The following EXPH5 variants were observed in gnomAD, a reference collection of about 807,000 sequenced individuals.
EXPH5 encodes the protein exophilin-5.
In EXPH5, 42 loss-of-function variants were observed where a neutral mutation model predicts 41.1. The ratio of observed to expected loss-of-function variants is 1.02; its 90% CI spans 0.80 to 1.32. The LOEUF (loss-of-function observed/expected upper bound fraction) is 1.32, where lower values mean the gene tolerates loss of function less well. EXPH5 is among the 40% of genes most tolerant of loss of function. The pLI, the probability that EXPH5 is intolerant of heterozygous loss-of-function variation, is 0.00. For synonymous variants in EXPH5, 798 were observed against 833.5 expected (o/e 0.96, Z 0.73); for missense variants, 2,298 against 2,314.5 (o/e 0.99, Z 0.15).
intron 1 of EXPH5, among the ~76,000 whole-genome samples, chr11:108,592,247 C>T (rs1230861639): frequency 6.6e-6 from 1 of 152,180 alleles, no homozygotes; most frequent in Non-Finnish European, 1.5e-5. Flanking sequence ...AATATTCCTT[C>T]ATCCCTCAAA....
intron 5 of EXPH5, among the ~76,000 whole-genome samples, chr11:108,517,497 G>A (rs2093734224): frequency 1.3e-5 from 2 of 152,188 alleles, no homozygotes; most frequent in Admixed American, 6.5e-5. Flanking sequence ...GAAGCTGGTG[G>A]CGACTTCAGA....
At chr11:108,529,862 A>G (rs1174444131) in intron 3 of EXPH5, among the ~76,000 whole-genome samples, 1 of 151,118 alleles carries the variant, frequency 6.6e-6, no homozygotes, top group Non-Finnish European at 1.5e-5. Context: ...AAAAAAAAAG[A>G]TTTAATAGAC....
intron 4 of EXPH5, among the ~76,000 whole-genome samples, chr11:108,521,782 G>A (rs2135960820): frequency 6.6e-6 from 1 of 152,214 alleles, no homozygotes; most frequent in Admixed American, 6.5e-5. Flanking sequence ...TTGGTAGTTG[G>A]TGCAAAGTAG....
At chr11:108,546,518 C>G (rs2136045370) in intron 1 of EXPH5, among the ~76,000 whole-genome samples, 1 of 152,194 alleles carries the variant, frequency 6.6e-6, no homozygotes, top group South Asian at 2.1e-4. Flanking sequence ...AAGAAGATTC[C>G]AAGACTTCTG....
rs769690525 is a variant in EXPH5 at position 108,513,510 on chromosome 11, A to G, written c.1997T>C (p.Met666Thr). 8.1e-6 allele frequency: 13 copies of G among 1,614,170 alleles called. No homozygotes were observed. The South Asian group carries it at 1.3e-4, about 16-fold the overall frequency. ...IFPNKPASHP[M>T]RSHTEVTVTS... is the part of the protein sequence containing the mutation. ...CACAGTGACTTCTGTATGGCTTCTC[A>G]TTGGATGAGAGGCAGGCTTATTTGG... Residue 666 changes from methionine to threonine, a missense_variant, in exon 6 of 6, where the codon ATG becomes ACG. By Grantham distance (81) the Met-to-Thr change is moderately conservative. Transcript: ENST00000265843.
intron 3 of EXPH5, among the ~76,000 whole-genome samples, chr11:108,534,303 CAT>C (rs1565802824): frequency 6.6e-6 from 1 of 152,140 alleles, no homozygotes; most frequent in Non-Finnish European, 1.5e-5. Context: ...TTTTATCTGT[CAT>C]GTGTATAAAA....
rs759091170 is a variant in EXPH5 at position 108,510,956 on chromosome 11, T to C, written c.4551A>G (p.Leu1517=). ...VFALTPALHK[L]QLGEETQSDE... ...CTGACTGAGTCTCCTCACCAAGCTGTAGTTTATGCAATGCTGGAGTAAGGG... is the reference window on the plus strand; with the variant it reads ...CTGACTGAGTCTCCTCACCAAGCTGCAGTTTATGCAATGCTGGAGTAAGGG... The change falls in exon 6 of 6, where the codon CTA becomes CTG. Residue 1517 remains leucine, a synonymous_variant. Transcript: ENST00000265843. The C allele has an allele frequency of 6.2e-7, 1 of 1,614,118 alleles. No homozygotes were observed. The highest frequency in any genetic ancestry group is 8.5e-7 in the Non-Finnish European group (1 of 1,179,998).
chr11:108,569,528 C>A (rs1195365183), intron 1 of EXPH5, among the ~76,000 whole-genome samples: 1 of 151,962 alleles, frequency 6.6e-6, no homozygotes, highest in East Asian at 1.9e-4. Context: ...TGAGTAGAGA[C>A]AGGGGTTTCA....
intron 5 of EXPH5, 136 bp from the exon 6 acceptor site, chr11:108,515,011 T>A: frequency 2.1e-6 from 1 of 469,256 alleles, no homozygotes; most frequent in Non-Finnish European, 3.4e-6. Flanking sequence ...GTTATAACAT[T>A]AATTTTGATT....
chr11:108,578,837 T>C (rs2094088473), intron 1 of EXPH5, among the ~76,000 whole-genome samples: 1 of 152,240 alleles, frequency 6.6e-6, no homozygotes, highest in African/African-American at 2.4e-5. Context: ...GAAATGATTT[T>C]TGTATGGTGA....
chr11:108,509,400 A>T lies in EXPH5; in HGVS notation c.*137T>A. Reference sequence around the variant, plus strand: ...GTGTCTATATAGGGTGTGGAGGAAAAAAAAGGAGATGTGGGACATTTCAGA... The same window carrying T: ...GTGTCTATATAGGGTGTGGAGGAAATAAAAGGAGATGTGGGACATTTCAGA... On this transcript the variant is annotated 3_prime_UTR_variant, in exon 6 of 6. Transcript: ENST00000265843. The T allele has an allele frequency of 2.6e-6, 2 of 762,408 alleles. No homozygotes were observed. Among genetic ancestry groups the T allele is most frequent in the Non-Finnish European group, 2.0e-6 (1 of 494,192 alleles). 47.2% of individuals were successfully genotyped at this position (762,408 alleles called of 1,614,324 possible).
Position 108,565,560 on chromosome 11 carries a change from C to T in EXPH5, c.120-23748G>A, listed in dbSNP as rs76040604. ...CACAGACATTAGTGTCATAGACACT[C>T]TCTGTCACTCTCTTCATCTTTTCCC... On this transcript the variant is annotated intron_variant, in intron 1 of 5. Coordinates refer to ENST00000265843, the MANE Select transcript of EXPH5 (RefSeq NM_015065.3). Among the ~76,000 whole-genome samples the T allele has an allele frequency of 9.1e-4, 139 of 152,336 alleles. 2 individuals carry two copies. The East Asian group carries it at 0.024, about 26-fold the overall frequency.
intron 1 of EXPH5, among the ~76,000 whole-genome samples, chr11:108,563,413 T>C (rs1262635966): frequency 6.6e-6 from 1 of 152,186 alleles, no homozygotes; most frequent in African/African-American, 2.4e-5. Context: ...AGTTCATGCC[T>C]GCTAGAGTCA....
chr11:108,509,551 C>T lies in EXPH5; in HGVS notation c.5956G>A (p.Glu1986Lys), dbSNP rs1195418738. 6.4e-7 allele frequency: 1 copy of T among 1,555,126 alleles called. No individual in the cohort carries two copies. The highest frequency in any genetic ancestry group is 8.6e-7 in the Non-Finnish European group (1 of 1,157,944). ...TTGAAAAAGCCTCACAGTTCTGACTCTTTGTCATTTTCATCCAGGTAGTAT... is the reference window on the plus strand; with the variant it reads ...TTGAAAAAGCCTCACAGTTCTGACTTTTTGTCATTTTCATCCAGGTAGTAT... ...DEYYLDENDK[E>K]SEL Residue 1986 changes from glutamate to lysine, a missense_variant, in exon 6 of 6, where the codon GAG becomes AAG. Coordinates refer to ENST00000265843, the MANE Select transcript of EXPH5 (RefSeq NM_015065.3).
chr11:108,604,008 C>A, the EXPH5 span, among the ~76,000 whole-genome samples: 7 of 151,980 alleles, frequency 4.6e-5, no homozygotes. Context: ...TAGAAATGGA[C>A]CTAGTGGTCA....
At position 108,527,344 on chromosome 11, in the gene EXPH5, T is replaced by C. The variant is rs1037580845; in HGVS notation, c.492+792A>G. Among the ~76,000 whole-genome samples, 10 of 152,110 alleles carry C rather than the reference T, an allele frequency of 6.6e-5. 1 individual carries two copies. Among genetic ancestry groups the C allele is most frequent in the Admixed American group, 6.5e-4 (10 of 15,272 alleles). ...CAAAAAAAAAGAACCTCTGTTTATA[T>C]GCACTCCTCCTCACCAGAATTTTAC... On this transcript the variant is annotated intron_variant, in intron 4 of 5. Transcript: ENST00000265843.
chr11:108,581,750 T>C (rs1050599347), intron 1 of EXPH5, among the ~76,000 whole-genome samples: 6 of 152,166 alleles, frequency 3.9e-5, no homozygotes, highest in Non-Finnish European at 7.4e-5. Flanking sequence ...GATAAACCTT[T>C]AACACGACTA....
At position 108,562,001 on chromosome 11, in the gene EXPH5, G is replaced by A. The variant is rs550148262; in HGVS notation, c.120-20189C>T. Among the ~76,000 whole-genome samples, 117 of 152,288 alleles carry A rather than the reference G, an allele frequency of 7.7e-4. 1 individual carries two copies. In the Middle Eastern group the frequency reaches 0.02, roughly 27 times the overall value. On this transcript the variant is annotated intron_variant, in intron 1 of 5. Transcript: ENST00000265843. ...CTGCAGTATTCTGATCAACATTCCG[G>A]TTCCTGAGGACTGGCCGTGCAGGGT...
intron 1 of EXPH5, among the ~76,000 whole-genome samples, chr11:108,581,801 G>A (rs2094099110): frequency 6.6e-6 from 1 of 151,886 alleles, no homozygotes; most frequent in Admixed American, 6.6e-5. Flanking sequence ...ATCAATACCA[G>A]GAATGAAAGA....
Sources: allele counts gnomAD v4.1 joint callset (sites outside exome capture counted in the v4.1 genomes callset), GRCh38; gene constraint gnomAD v4.1.1; transcripts MANE v1.5; gene names NCBI Gene and HGNC (gene_info 2026-07-23, HGNC 2026-07-21).